The following RGS12 variants were observed in gnomAD, a reference collection of about 807,000 sequenced individuals.
The protein encoded by RGS12 is regulator of G protein signaling 12.
A neutral mutation model predicts 120.1 loss-of-function variants in RGS12; 66 were observed. That is an observed-to-expected ratio of 0.55 (90% CI 0.45 to 0.67). RGS12 has a LOEUF of 0.67. Ranked by LOEUF, RGS12 falls within the 30% of genes least tolerant of loss-of-function variation. The probability of loss-of-function intolerance (pLI) is 0.00; values close to 1 mark genes in which losing one functional copy is unlikely to be tolerated. For synonymous variants in RGS12, 827 were observed against 804.7 expected, an observed-to-expected ratio of 1.03 and a Z score of -0.47; for missense variants, 1,859 against 1,957.7, an observed-to-expected ratio of 0.95 and a Z score of 0.95.
intron 2 of RGS12, among the ~76,000 whole-genome samples, chr4:3,319,857 C>A (rs1261840019): frequency 6.6e-6 from 1 of 152,230 alleles, no homozygotes; most frequent in Non-Finnish European, 1.5e-5. Context: ...CCTGCCCGCC[C>A]TGGGCCTCAC....
chr4:3,358,156 G>A (rs1015259850), intron 3 of RGS12, among the ~76,000 whole-genome samples: 2 of 152,026 alleles, frequency 1.3e-5, no homozygotes, highest in African/African-American at 4.8e-5. Context: ...CACTGTTAGT[G>A]TAGAAATGCA....
intron 17 of RGS12, among the ~76,000 whole-genome samples, chr4:3,435,685 T>A (rs16843161): frequency 2.6e-5 from 4 of 152,072 alleles, no homozygotes; most frequent in African/African-American, 9.6e-5. Context: ...GCCCCCAGCC[T>A]GGTTGTGACA....
chr4:3,372,599 G>A lies in RGS12; in HGVS notation c.1999-13817G>A, dbSNP rs944509062. Among the ~76,000 whole-genome samples, 3 of 152,236 alleles carry A rather than the reference G, an allele frequency of 2.0e-5. No homozygotes were observed. Among genetic ancestry groups the A allele is most frequent in the Admixed American group, 6.5e-5 (1 of 15,288 alleles). On this transcript the variant is annotated intron_variant, in intron 3 of 17. Transcript: ENST00000336727. This position sits in a 1 kb window ranked among gnomAD's most constrained non-coding sequence, Gnocchi z 4.3. ...CCCCCCAGGTGTGCCCTGTGTGGCC[G>A]GCATGGAGGTGGCGGCGGCCATCAG...
chr4:3,336,905 G>A (rs947532172), intron 2 of RGS12, among the ~76,000 whole-genome samples: 1 of 151,526 alleles, frequency 6.6e-6, no homozygotes, highest in African/African-American at 2.4e-5. Flanking sequence ...ATGGGCAAAA[G>A]TCCAGTGTGA....
intron 2 of RGS12, among the ~76,000 whole-genome samples, chr4:3,320,520 C>T (rs553929561): frequency 6.6e-6 from 1 of 152,334 alleles, no homozygotes; most frequent in African/African-American, 2.4e-5. Flanking sequence ...TGCTCACAGT[C>T]ACAGGGCATG....
chr4:3,439,623 G>A lies in RGS12; in HGVS notation c.4283G>A (p.Gly1428Asp). 6.2e-7 allele frequency: 1 copy of A among 1,600,412 alleles called. No homozygotes were observed. The highest frequency in any genetic ancestry group is 8.5e-7 in the Non-Finnish European group (1 of 1,173,138). ...CCTACATCAGACCTCCCTGGCTTGG[G>A]CCCCGTCCCGGGTGAGCCTGCTAAG... is the stretch of plus-strand genomic sequence containing the variant. ...GPPTSDLPGL[G>D]PVPGEPAKPK... Residue 1428 changes from glycine (G) to aspartate (D), a missense_variant, in exon 18 of 18, where the codon GGC (glycine) becomes GAC (aspartate). Gly to Asp is a moderately conservative substitution (Grantham distance 94). This residue lies in a region of RGS12 where 517 missense variants were observed against 488.5 expected (regional missense o/e 1.06). Transcript: ENST00000336727.
chr4:3,439,726 TG>T lies in RGS12; in HGVS notation c.*46del. 4 of 1,448,542 alleles carry T rather than the reference TG, an allele frequency of 2.8e-6. No individual in the cohort carries two copies. Among genetic ancestry groups the T allele is most frequent in the Non-Finnish European group, 3.6e-6 (4 of 1,095,916 alleles). The allele number at this position is 1,448,542 out of a possible 1,614,324, so 89.7% of individuals were successfully genotyped here. A position where few individuals can be genotyped will look rare whatever the true frequency, so the allele number is the denominator to read the frequency against. The stretch of plus-strand genomic sequence containing the variant: ...CAACTCTCCTGTGGACATGTCGGGG[TG>T]GGGCAGCCCAGGTGGATTCTGTGGG... On this transcript the variant is annotated 3_prime_UTR_variant, in exon 18 of 18. Coordinates refer to ENST00000336727, the MANE Select transcript of RGS12 (RefSeq NM_001394154.1).
At chr4:3,411,163 G>A (rs1396701433) in intron 4 of RGS12, among the ~76,000 whole-genome samples, 1 of 152,176 alleles carries the variant, frequency 6.6e-6, no homozygotes, top group Non-Finnish European at 1.5e-5. Flanking sequence ...AGTGTGTGCT[G>A]GAAGGAAGAG....
At chr4:3,396,913 G>GTT (rs200560773) in intron 4 of RGS12, among the ~76,000 whole-genome samples, 1 of 150,146 alleles carries the variant, frequency 6.7e-6, no homozygotes, top group East Asian at 2.0e-4. Flanking sequence ...GGACAATTGG[G>GTT]GTTTTTTTTT....
At position 3,433,246 on chromosome 4, in the gene RGS12, C is replaced by T. The variant is rs986440239; in HGVS notation, c.4114+2291C>T. 5.3e-5 allele frequency among the ~76,000 whole-genome samples: 8 copies of T among 152,200 alleles called. No individual in the cohort carries two copies. The highest frequency in any genetic ancestry group is 1.0e-4 in the Non-Finnish European group (7 of 68,018). On this transcript the variant is annotated intron_variant, in intron 17 of 17. Coordinates refer to ENST00000336727, the MANE Select transcript of RGS12 (RefSeq NM_001394154.1). This position sits in a 1 kb window ranked among gnomAD's most constrained non-coding sequence, Gnocchi z 4.4. ...GGATGCTTCCTCACAATGTGGCAGC[C>T]GCCCTGGACCCAGCGTCCGGGGTGA...
At chr4:3,342,790 A>G in intron 2 of RGS12, 147 bp from the exon 3 acceptor site, 4 of 726,510 alleles carry the variant, frequency 5.5e-6, no homozygotes, top group South Asian at 1.8e-5. Flanking sequence ...TATACCTAAG[A>G]TTTACCCTGG....
rs1474795872 is a variant in RGS12, at chr4:3,389,379, A to G, written c.2020+2942A>G. Among the ~76,000 whole-genome samples, 3 of 152,144 alleles carry G rather than the reference A, an allele frequency of 2.0e-5. No homozygotes were observed. Among genetic ancestry groups the G allele is most frequent in the African/African-American group, 7.2e-5 (3 of 41,428 alleles). On this transcript the variant is annotated intron_variant, in intron 4 of 17. Coordinates refer to ENST00000336727, the MANE Select transcript of RGS12 (RefSeq NM_001394154.1). This position sits in a 1 kb window ranked among gnomAD's most constrained non-coding sequence, Gnocchi z 5.2. ...TTCTAGCATTATAGAGAGGCTTAGC[A>G]GGGGAATGGTCTGCCTTGTGGGAAG...
intron 4 of RGS12, among the ~76,000 whole-genome samples, chr4:3,394,121 C>T (rs779973177): frequency 1.3e-5 from 2 of 152,160 alleles, no homozygotes; most frequent in African/African-American, 4.8e-5. Context: ...GAACGTGGTG[C>T]CCTTCCACGG....
At chr4:3,328,275 C>T (rs1218594381) in intron 2 of RGS12, among the ~76,000 whole-genome samples, 1 of 152,156 alleles carries the variant, frequency 6.6e-6, no homozygotes, top group African/African-American at 2.4e-5. Context: ...TGATGAGACA[C>T]TTCTGAATGG....
intron 3 of RGS12, among the ~76,000 whole-genome samples, chr4:3,373,144 G>C (rs867123604): frequency 2.6e-5 from 4 of 152,228 alleles, no homozygotes; most frequent in Non-Finnish European, 5.9e-5. Context: ...TGAGGAAGAC[G>C]GAGTGTGGTC....
chr4:3,428,312 C>T (rs1238236043), intron 15 of RGS12, 143 bp downstream of exon 15: 1 of 862,984 alleles, frequency 1.2e-6, no homozygotes, highest in African/African-American at 1.7e-5. Flanking sequence ...CTCTCTCGTC[C>T]CTGCCGATGC....
At chr4:3,348,268 C>G (rs1201875931) in intron 3 of RGS12, among the ~76,000 whole-genome samples, 1 of 152,146 alleles carries the variant, frequency 6.6e-6, no homozygotes, top group Non-Finnish European at 1.5e-5. Flanking sequence ...ACAGGGAGTT[C>G]CATGAATGTA....
chr4:3,357,549 G>A (rs1705560739), intron 3 of RGS12, among the ~76,000 whole-genome samples: 1 of 152,098 alleles, frequency 6.6e-6, no homozygotes, highest in Admixed American at 6.5e-5. Context: ...TGTATATGGT[G>A]TTAGGTAAAG....
At chr4:3,414,983 G>A in intron 6 of RGS12, 139 bp downstream of exon 6, 1 of 612,072 alleles carries the variant, frequency 1.6e-6, no homozygotes, top group Non-Finnish European at 2.9e-6. Context: ...GCGTGTGAGA[G>A]GTTGCGTGTG....
Sources: allele counts gnomAD v4.1 joint callset (sites outside exome capture counted in the v4.1 genomes callset), GRCh38; gene constraint gnomAD v4.1.1; regional missense constraint gnomAD v4.1.1; non-coding constraint Gnocchi (gnomAD v3.1); transcripts MANE v1.5; gene names NCBI Gene and HGNC (gene_info 2026-07-23, HGNC 2026-07-21).